MROH9: variants seen among roughly 807,000 people sequenced by gnomAD.
MROH9 encodes maestro heat like repeat family member 9.
Under a neutral mutation model 98.2 loss-of-function variants are expected in MROH9, and 92 were observed. That is an observed-to-expected ratio of 0.94 (90% CI 0.79 to 1.11). The LOEUF is 1.11. Among genes scored for constraint, MROH9 ranks in the 50% most tolerant of loss-of-function variants. The probability of loss-of-function intolerance (pLI) is 0.00; values close to 1 mark genes in which losing one functional copy is unlikely to be tolerated. For synonymous variants in MROH9, 397 were observed against 368.9 expected (o/e 1.08, Z -0.87); for missense variants, 1,057 against 1,014.8 (o/e 1.04, Z -0.57).
intron 20 of MROH9, among the ~76,000 whole-genome samples, chr1:171,053,931 C>T (rs549312759): frequency 6.6e-6 from 1 of 152,190 alleles, no homozygotes; most frequent in Admixed American, 6.5e-5. Flanking sequence ...GGCAGAAGAA[C>T]TCCTGTAAGA....
At chr1:170,968,504 G>A (rs1650318657) in intron 7 of MROH9, among the ~76,000 whole-genome samples, 1 of 152,090 alleles carries the variant, frequency 6.6e-6, no homozygotes, top group African/African-American at 2.4e-5. Flanking sequence ...TAAATTTTAA[G>A]CAGCAACCAC....
At chr1:170,967,822 T>A (rs987589571) in intron 7 of MROH9, among the ~76,000 whole-genome samples, 8 of 151,552 alleles carry the variant, frequency 5.3e-5, no homozygotes, top group African/African-American at 9.7e-5. Context: ...CATGTCAACT[T>A]ATAGCATTAA....
chr1:171,061,054 G>A (rs545721485), intron 20 of MROH9, among the ~76,000 whole-genome samples: 12 of 152,046 alleles, frequency 7.9e-5, no homozygotes, highest in East Asian at 5.8e-4. Flanking sequence ...TATATACACC[G>A]GCAAGAGACT....
chr1:170,964,410 A>G (rs1334953403), intron 6 of MROH9, among the ~76,000 whole-genome samples: 6 of 152,082 alleles, frequency 3.9e-5, no homozygotes, highest in Non-Finnish European at 7.4e-5. Context: ...ATAGACTTCA[A>G]ACATTTTTCA....
chr1:170,956,748 C>T (rs1649778353), intron 3 of MROH9, among the ~76,000 whole-genome samples: 1 of 151,440 alleles, frequency 6.6e-6, no homozygotes. Context: ...GCTCTAGGAG[C>T]TTTCTGGAGG....
intron 1 of MROH9, among the ~76,000 whole-genome samples, chr1:170,943,089 C>G (rs140687166): frequency 7.2e-5 from 11 of 151,852 alleles, no homozygotes; most frequent in South Asian, 4.2e-4. Flanking sequence ...AGAATCAATA[C>G]AGGATCTAAA....
chr1:171,014,983 C>T, intron 16 of MROH9: 1 of 471,826 alleles, frequency 2.1e-6, no homozygotes, highest in Non-Finnish European at 4.4e-6. Context: ...TTCCCATTGA[C>T]TCACATGAAT....
intron 15 of MROH9, among the ~76,000 whole-genome samples, chr1:171,006,063 T>G (rs1298757933): frequency 1.3e-5 from 2 of 152,212 alleles, no homozygotes; most frequent in African/African-American, 4.8e-5. Context: ...CTCAGTGTCC[T>G]TTTATTTCAA....
intron 1 of MROH9, among the ~76,000 whole-genome samples, chr1:170,938,944 C>T (rs28799119): frequency 0.022 from 3,308 of 152,292 alleles, 68 homozygotes; most frequent in East Asian, 0.12. Context: ...TGGACCCATA[C>T]ATAATTTACA....
intron 7 of MROH9, among the ~76,000 whole-genome samples, chr1:170,969,522 G>A (rs1413584882): frequency 6.6e-6 from 1 of 152,158 alleles, no homozygotes; most frequent in East Asian, 1.9e-4. Context: ...TGGCGAAGTG[G>A]AAGAATGGAA....
chr1:170,939,527 T>G (rs1454977104), intron 1 of MROH9, among the ~76,000 whole-genome samples: 1 of 152,240 alleles, frequency 6.6e-6, no homozygotes, highest in Non-Finnish European at 1.5e-5. Context: ...GAACTCCCCA[T>G]GAAGCCATAG....
intron 8 of MROH9, 34 bp downstream of exon 8, chr1:170,971,917 C>G: frequency 6.2e-7 from 1 of 1,607,052 alleles, no homozygotes; most frequent in Non-Finnish European, 8.5e-7. Flanking sequence ...CTCAGGATTA[C>G]TAAGAATATG....
intron 3 of MROH9, among the ~76,000 whole-genome samples, chr1:170,952,911 C>T (rs922579611): frequency 6.6e-6 from 1 of 151,962 alleles, no homozygotes; most frequent in Non-Finnish European, 1.5e-5. Flanking sequence ...AGGTATCAGA[C>T]AAATCTTTAC....
chr1:171,010,132 T>A (rs1389444773), intron 15 of MROH9, among the ~76,000 whole-genome samples: 3 of 152,174 alleles, frequency 2.0e-5, no homozygotes, highest in Non-Finnish European at 4.4e-5. Context: ...CAGTGTGTGA[T>A]GTTCCCCTCC....
At chr1:170,958,436 T>C in intron 3 of MROH9, 25 bp from the exon 4 acceptor site, 4 of 1,412,862 alleles carry the variant, frequency 2.8e-6, no homozygotes, top group South Asian at 1.3e-5. Flanking sequence ...CTTCTTTTTT[T>C]TTTTTTTTTT....
At chr1:170,947,794 G>A (rs796912424) in intron 3 of MROH9, among the ~76,000 whole-genome samples, 3 of 151,970 alleles carry the variant, frequency 2.0e-5, no homozygotes, top group African/African-American at 7.2e-5. Flanking sequence ...ATGACCTTCA[G>A]CACTAATTTA....
intron 20 of MROH9, among the ~76,000 whole-genome samples, chr1:171,030,384 C>T (rs1056920168): frequency 2.6e-5 from 4 of 151,452 alleles, no homozygotes; most frequent in Non-Finnish European, 3.0e-5. Flanking sequence ...GATACTAGAG[C>T]GTCAATTTGA....
chr1:171,025,680 A>G (rs555223616), intron 20 of MROH9, among the ~76,000 whole-genome samples: 2 of 152,294 alleles, frequency 1.3e-5, no homozygotes, highest in Non-Finnish European at 2.9e-5. Flanking sequence ...GTGACATACC[A>G]TTGTTCATTT....
At chr1:171,000,500 G>A (rs1023726773) in intron 15 of MROH9, among the ~76,000 whole-genome samples, 2 of 152,032 alleles carry the variant, frequency 1.3e-5, no homozygotes, top group Admixed American at 1.3e-4. Flanking sequence ...AGATGATCAT[G>A]TGATTTTTGT....
Sources: gnomAD v4.1 joint callset for allele counts (sites outside exome capture counted in the v4.1 genomes callset) on GRCh38, gnomAD v4.1.1 for gene constraint, MANE v1.5 for transcripts, NCBI Gene and HGNC (gene_info 2026-07-23, HGNC 2026-07-21) for gene names.